The following WDR82 variants were observed in gnomAD, a reference collection of about 807,000 sequenced individuals.
WDR82 encodes the protein WD repeat domain 82.
A neutral mutation model predicts 36.1 loss-of-function variants in WDR82; 8 were observed. That is an observed-to-expected ratio of 0.22 (90% confidence interval 0.13 to 0.40). The LOEUF (loss-of-function observed/expected upper bound fraction) is 0.40, where lower values mean the gene tolerates loss of function less well. Ranked by LOEUF, WDR82 falls within the 10% of genes least tolerant of loss-of-function variation. WDR82 has a pLI of 1.00. For missense variants in WDR82, 185 were observed against 400.5 expected (o/e 0.46, Z 4.59); for synonymous variants, 129 against 137.8 (o/e 0.94, Z 0.45).
At chr3:52,267,714 T>G (rs1024116953) in intron 2 of WDR82, 1 of 152,396 alleles carries the variant, frequency 6.6e-6, no homozygotes, top group African/African-American at 2.4e-5. Flanking sequence ...CAGAGATTTG[T>G]GCTTGTGGAA....
chr3:52,257,242 C>G lies in WDR82; in HGVS notation c.*248G>C, dbSNP rs1700017388. On this transcript the variant is annotated 3_prime_UTR_variant, in exon 9 of 9. Transcript: ENST00000296490. ...GAGTCTGGTCACTCCTCCAGCAGAG[C>G]TTGGTGCAGTGACAGTTAGAAAAGC... 8.8e-6 allele frequency: 5 copies of G among 570,400 alleles called. No homozygotes were observed. Among genetic ancestry groups the G allele is most frequent in the African/African-American group, 1.9e-5 (1 of 53,090 alleles). The allele number at this position is 570,400 out of a possible 1,614,324, so 35.3% of individuals were successfully genotyped here.
At chr3:52,276,204 C>A (rs1395772252) in intron 1 of WDR82, among the ~76,000 whole-genome samples, 1 of 152,068 alleles carries the variant, frequency 6.6e-6, no homozygotes, top group East Asian at 1.9e-4. Context: ...AAGGCCAAGG[C>A]GGGTGGATCA....
At chr3:52,258,498 G>T (rs1191735901) in intron 8 of WDR82, 38 bp downstream of exon 8, 1 of 1,611,646 alleles carries the variant, frequency 6.2e-7, no homozygotes, top group Non-Finnish European at 8.5e-7. Context: ...AACTGGGAAG[G>T]GTCCCTGAGT....
rs1448162266 is a variant in WDR82 at position 52,256,104 on chromosome 3, CAG to C, written c.*1384_*1385del. On this transcript the variant is annotated 3_prime_UTR_variant, in exon 9 of 9. Coordinates refer to ENST00000296490, the MANE Select transcript of WDR82 (RefSeq NM_025222.4). ...CCAAGCAAAAAGGGGGCTAATACTG[CAG>C]AGATGGCCCCAAAGTGCAGCTTGAG... 2.6e-5 allele frequency: 4 copies of C among 153,870 alleles called. No individual in the cohort carries two copies. The highest frequency in any genetic ancestry group is 5.9e-5 in the Non-Finnish European group (4 of 68,086). 9.5% of individuals were successfully genotyped at this position (153,870 alleles called of 1,614,324 possible).
intron 8 of WDR82, 84 bp downstream of exon 8, chr3:52,258,452 A>T: frequency 6.6e-7 from 1 of 1,517,162 alleles, no homozygotes. Context: ...TATGTAGAAC[A>T]CAGCTTGCTG....
At chr3:52,267,184 G>A (rs1165019487) in intron 2 of WDR82, 166 bp from the exon 3 acceptor site, 2 of 472,542 alleles carry the variant, frequency 4.2e-6, no homozygotes, top group Admixed American at 7.8e-5. Flanking sequence ...TGAAGAGTGG[G>A]TATGTAGATT....
At chr3:52,259,496 G>C (rs1700040840) in intron 6 of WDR82, among the ~76,000 whole-genome samples, 1 of 152,188 alleles carries the variant, frequency 6.6e-6, no homozygotes, top group African/African-American at 2.4e-5. Flanking sequence ...TTATTGTTAG[G>C]AAATTATTTT....
intron 1 of WDR82, 95 bp from the exon 2 acceptor site, chr3:52,270,904 A>C (rs191708025): frequency 2.6e-4 from 243 of 917,372 alleles, no homozygotes; most frequent in Middle Eastern, 5.2e-4. Context: ...GATGTGGCAA[A>C]GGTGAGGATT....
chr3:52,256,045 A>ATC lies in WDR82; in HGVS notation c.*1443_*1444dup, dbSNP rs1481000068. ...ACATGGAAGCCATGCAAGAGTGACT[A>ATC]TCACACACACACACAGGCACAGACA... On this transcript the variant is annotated 3_prime_UTR_variant, in exon 9 of 9. Transcript: ENST00000296490. 6.5e-6 allele frequency: 1 copy of ATC among 153,720 alleles called. No homozygotes were observed. Among genetic ancestry groups the ATC allele is most frequent in the Non-Finnish European group, 1.5e-5 (1 of 68,118 alleles). The allele number at this position is 153,720 out of a possible 1,614,324, so 9.5% of individuals were successfully genotyped here. A position where few individuals can be genotyped will look rare whatever the true frequency, so the allele number is the denominator to read the frequency against.
intron 2 of WDR82, among the ~76,000 whole-genome samples, chr3:52,269,763 A>G (rs1008022624): frequency 6.6e-6 from 1 of 152,040 alleles, no homozygotes; most frequent in African/African-American, 2.4e-5. Flanking sequence ...AAGAAAATAA[A>G]CAAAATTAAA....
chr3:52,259,099 A>G (rs1700037413), intron 7 of WDR82, 98 bp downstream of exon 7: 1 of 1,299,118 alleles, frequency 7.7e-7, no homozygotes, highest in African/African-American at 1.5e-5. Flanking sequence ...ATCTAAGAAC[A>G]TCTATCAAAT....
At chr3:52,257,596 C>G (rs1322809230) in intron 8 of WDR82, 77 bp from the exon 9 acceptor site, 3 of 1,593,240 alleles carry the variant, frequency 1.9e-6, no homozygotes, top group African/African-American at 1.3e-5. Flanking sequence ...TCCCACCCCA[C>G]AGCAAAAATG....
chr3:52,258,722 T>C (rs1553618732), intron 7 of WDR82, 44 bp from the exon 8 acceptor site: 2 of 1,611,894 alleles, frequency 1.2e-6, no homozygotes, highest in Admixed American at 1.7e-5. Context: ...CAAGGCGCAA[T>C]ACAAAGACAA....
chr3:52,273,855 C>T (rs982536786), intron 1 of WDR82, among the ~76,000 whole-genome samples: 1 of 152,142 alleles, frequency 6.6e-6, no homozygotes, highest in African/African-American at 2.4e-5. Flanking sequence ...ACTCCTGACC[C>T]AGGCGATCCA....
rs1261569832 is a variant in WDR82 at position 52,254,769 on chromosome 3, C to G, written c.*2721G>C. 6.6e-6 allele frequency: 1 copy of G among 152,244 alleles called. No homozygotes were observed. The highest frequency in any genetic ancestry group is 1.9e-4 in the East Asian group (1 of 5,196). 9.4% of individuals were successfully genotyped at this position (152,244 alleles called of 1,614,324 possible). A position where few individuals can be genotyped will look rare whatever the true frequency, so the allele number is the denominator to read the frequency against. ...TGGCAAACGCCGCTGCCCCACTCCCCACCCATCCCCAATAGGGCTTGAGCA... is the reference window on the plus strand; with the variant it reads ...TGGCAAACGCCGCTGCCCCACTCCCGACCCATCCCCAATAGGGCTTGAGCA... On this transcript the variant is annotated 3_prime_UTR_variant, in exon 9 of 9. Transcript: ENST00000296490.
intron 1 of WDR82, among the ~76,000 whole-genome samples, chr3:52,277,256 T>C (rs1278853488): frequency 6.6e-6 from 1 of 151,890 alleles, no homozygotes; most frequent in East Asian, 1.9e-4. Flanking sequence ...TCCACAGGCG[T>C]GCGGTGAGGA....
chr3:52,255,510 C>G lies in WDR82; in HGVS notation c.*1980G>C, dbSNP rs1699998146. ...TAAAAGTTCTTCCTCTCTGGGAAAG[C>G]AGAACTATACAGTGGGTGGCATCCT... On this transcript the variant is annotated 3_prime_UTR_variant, in exon 9 of 9. Transcript: ENST00000296490. The G allele has an allele frequency of 6.6e-6, 1 of 152,024 alleles. No homozygotes were observed. Among genetic ancestry groups the G allele is most frequent in the South Asian group, 2.1e-4 (1 of 4,818 alleles). 9.4% of individuals were successfully genotyped at this position (152,024 alleles called of 1,614,324 possible).
chr3:52,258,248 A>G (rs1559452227), intron 8 of WDR82, among the ~76,000 whole-genome samples: 1 of 152,236 alleles, frequency 6.6e-6, no homozygotes, highest in Non-Finnish European at 1.5e-5. Flanking sequence ...TAGCCCAGGT[A>G]GTTTGGACCT....
chr3:52,265,299 C>CAAAAAAA lies in WDR82; in HGVS notation c.326+1646_326+1652dup, dbSNP rs869189597. Among the ~76,000 whole-genome samples the CAAAAAAA allele has an allele frequency of 4.1e-4, 18 of 43,814 alleles. 2 individuals are homozygous for CAAAAAAA. The highest frequency in any genetic ancestry group is 2.0e-3 in the East Asian group (2 of 988). 28.7% of individuals were successfully genotyped at this position (43,814 alleles called of 152,430 possible). A position where few individuals can be genotyped will look rare whatever the true frequency, so the allele number is the denominator to read the frequency against. ...TGGGCGACAGAGCGAGACTCTGTCTCAAAAAAAAAAAAAAAAAAAAAAAAA... is the reference window on the plus strand; with the variant it reads ...TGGGCGACAGAGCGAGACTCTGTCTCAAAAAAAAAAAAAAAAAAAAAAAAAAAAAAAA... On this transcript the variant is annotated intron_variant, in intron 3 of 8. Coordinates refer to ENST00000296490, the MANE Select transcript of WDR82 (RefSeq NM_025222.4).
Sources: allele counts gnomAD v4.1 joint callset (sites outside exome capture counted in the v4.1 genomes callset), GRCh38; gene constraint gnomAD v4.1.1; transcripts MANE v1.5; gene names NCBI Gene and HGNC (gene_info 2026-07-23, HGNC 2026-07-21).